Variants in GALNT13 observed in about 807,000 individuals in gnomAD.
The protein encoded by GALNT13 is polypeptide N-acetylgalactosaminyltransferase 13.
Under a neutral mutation model 64.2 loss-of-function variants are expected in GALNT13, and 28 were observed. That is an observed-to-expected ratio of 0.44 (90% CI 0.32 to 0.60). The LOEUF is 0.60. Ranked by LOEUF, GALNT13 falls within the 20% of genes least tolerant of loss-of-function variation. The pLI is 0.05. For synonymous variants in GALNT13, 214 were observed against 224.6 expected, an observed-to-expected ratio of 0.95 and a Z score of 0.42; for missense variants, 577 against 669.8, an observed-to-expected ratio of 0.86 and a Z score of 1.53.
chr2:153,680,766 C>G, the GALNT13 span, among the ~76,000 whole-genome samples: 2 of 151,906 alleles, frequency 1.3e-5, no homozygotes, highest in Admixed American at 6.6e-5. Flanking sequence ...CAGTCCCTTT[C>G]TCTTACTCAA....
At chr2:153,825,223 T>C in the GALNT13 span, among the ~76,000 whole-genome samples, 1 of 152,174 alleles carries the variant, frequency 6.6e-6, no homozygotes, top group African/African-American at 2.4e-5. Flanking sequence ...CTTAATGTTC[T>C]AAAAGGCACA....
At chr2:153,431,549 C>A in the GALNT13 span, among the ~76,000 whole-genome samples, 1 of 152,156 alleles carries the variant, frequency 6.6e-6, no homozygotes, top group Non-Finnish European at 1.5e-5. Context: ...TTCTCGAGAC[C>A]ATGTTCATCT....
chr2:153,249,689 A>G, the GALNT13 span, among the ~76,000 whole-genome samples: 3 of 152,204 alleles, frequency 2.0e-5, no homozygotes, highest in Non-Finnish European at 1.5e-5. Context: ...ATATAGACCA[A>G]TGGAACAGAA....
At chr2:153,127,980 A>G in the GALNT13 span, among the ~76,000 whole-genome samples, 1 of 152,220 alleles carries the variant, frequency 6.6e-6, no homozygotes, top group African/African-American at 2.4e-5. Context: ...TTAAGTATGC[A>G]TATTATCACT....
chr2:153,253,605 C>T, the GALNT13 span, among the ~76,000 whole-genome samples: 9 of 149,022 alleles, frequency 6.0e-5, no homozygotes, highest in Non-Finnish European at 1.2e-4. Flanking sequence ...GGCTGTGGGT[C>T]TGTCATAGAT....
At chr2:153,973,130 G>A (rs1343435719) in intron 3 of GALNT13, among the ~76,000 whole-genome samples, 1 of 151,706 alleles carries the variant, frequency 6.6e-6, no homozygotes, top group African/African-American at 2.4e-5. Context: ...TCCTAACAAG[G>A]AAATAGAGAT....
the GALNT13 span, among the ~76,000 whole-genome samples, chr2:153,196,814 A>G: frequency 1.3e-5 from 2 of 152,024 alleles, no homozygotes; most frequent in African/African-American, 4.8e-5. Flanking sequence ...TGCCGGCTCC[A>G]TGGAGCATGG....
At chr2:153,442,217 G>T in the GALNT13 span, among the ~76,000 whole-genome samples, 3 of 152,100 alleles carry the variant, frequency 2.0e-5, no homozygotes. Context: ...TGTGGTTTTT[G>T]TCATTGGTTC....
intron 9 of GALNT13, among the ~76,000 whole-genome samples, chr2:154,376,193 G>T (rs1329109250): frequency 1.3e-5 from 2 of 152,134 alleles, no homozygotes; most frequent in African/African-American, 4.8e-5. Context: ...ACAGAATGGG[G>T]TGTTTCAGTC....
the GALNT13 span, among the ~76,000 whole-genome samples, chr2:153,745,757 G>A: frequency 2.6e-5 from 4 of 152,108 alleles, no homozygotes; most frequent in African/African-American, 9.7e-5. Flanking sequence ...GTCACACTCT[G>A]TCACCTGGAC....
chr2:153,582,085 A>G, the GALNT13 span, among the ~76,000 whole-genome samples: 4 of 152,132 alleles, frequency 2.6e-5, no homozygotes, highest in Non-Finnish European at 4.4e-5. Context: ...TTATATGTCT[A>G]TTTGGTAAGA....
the GALNT13 span, among the ~76,000 whole-genome samples, chr2:153,343,659 A>C: frequency 6.6e-6 from 1 of 152,276 alleles, no homozygotes; most frequent in Middle Eastern, 3.4e-3. Context: ...AAAATAATGG[A>C]CATCACATTT....
chr2:154,301,445 T>C lies in GALNT13; in HGVS notation c.1012T>C (p.Cys338Arg). Residue 338 changes from cysteine to arginine, a missense_variant, in exon 9 of 13, where the codon TGC (cysteine) becomes CGC (arginine). Transcript: ENST00000392825. ...TGGAGGCTCCTTGGAGATTGTTACT[T>C]GCTCCCATGTTGGTCATGTTTTTCG... ...QCGGSLEIVTCSHVGHVFRKA... is the reference protein window; with the variant it reads ...QCGGSLEIVTRSHVGHVFRKA... The C allele has an allele frequency of 6.2e-7, 1 of 1,613,534 alleles. No homozygotes were observed. Among genetic ancestry groups the C allele is most frequent in the Non-Finnish European group, 8.5e-7 (1 of 1,179,564 alleles).
chr2:153,778,466 C>G, the GALNT13 span, among the ~76,000 whole-genome samples: 1 of 152,194 alleles, frequency 6.6e-6, no homozygotes, highest in Non-Finnish European at 1.5e-5. Flanking sequence ...ATGCCCTTCC[C>G]TTCCCAGAAC....
At chr2:153,754,013 G>C in the GALNT13 span, among the ~76,000 whole-genome samples, 3 of 152,196 alleles carry the variant, frequency 2.0e-5, no homozygotes, top group Non-Finnish European at 4.4e-5. Flanking sequence ...TCCACTGTAA[G>C]ACTACCATCA....
At chr2:154,027,626 T>A (rs1156947895) in intron 3 of GALNT13, among the ~76,000 whole-genome samples, 1 of 151,912 alleles carries the variant, frequency 6.6e-6, no homozygotes, top group East Asian at 1.9e-4. Context: ...CTAGGAGAAA[T>A]AAAAAATAAG....
At chr2:153,232,098 T>A in the GALNT13 span, among the ~76,000 whole-genome samples, 1 of 152,324 alleles carries the variant, frequency 6.6e-6, no homozygotes, top group South Asian at 2.1e-4. Context: ...GCACCTGTTT[T>A]GTTTCTGTTT....
intron 3 of GALNT13, among the ~76,000 whole-genome samples, chr2:154,037,490 A>C (rs988171711): frequency 2.6e-5 from 4 of 152,126 alleles, no homozygotes; most frequent in Non-Finnish European, 2.9e-5. Context: ...TCAACATAGC[A>C]CTGGAAGTCC....
intron 9 of GALNT13, among the ~76,000 whole-genome samples, chr2:154,374,181 TTATC>T (rs1697851005): frequency 6.6e-6 from 1 of 152,214 alleles, no homozygotes; most frequent in African/African-American, 2.4e-5. Flanking sequence ...TATGATTTAA[TTATC>T]TATATTGCTG....
Sources: gnomAD v4.1 joint callset for allele counts (sites outside exome capture counted in the v4.1 genomes callset) on GRCh38, gnomAD v4.1.1 for gene constraint, MANE v1.5 for transcripts, NCBI Gene and HGNC (gene_info 2026-07-23, HGNC 2026-07-21) for gene names.